NOS1: variants seen among roughly 807,000 people sequenced by gnomAD.
NOS1 encodes nitric oxide synthase 1, also known as NOS type I.
NOS1 carries 51 observed loss-of-function variants against 164.5 expected under a neutral mutation model. The ratio of observed to expected loss-of-function variants is 0.31; its 90% CI spans 0.25 to 0.39. The LOEUF is 0.39. Ranked by LOEUF, NOS1 falls within the 10% of genes least tolerant of loss-of-function variation. NOS1 has a pLI of 1.00. For missense variants in NOS1, 1,362 were observed against 1,885.6 expected (o/e 0.72, Z 5.14); for synonymous variants, 719 against 745.8 (o/e 0.96, Z 0.59).
chr12:117,216,471 C>T (rs573462607), intron 28 of NOS1, among the ~76,000 whole-genome samples: 2 of 151,906 alleles, frequency 1.3e-5, no homozygotes, highest in African/African-American at 2.4e-5. Context: ...GGTGAGCCAT[C>T]GCGCCCGGCC....
chr12:117,353,315 T>A (rs1405735076), intron 1 of NOS1, among the ~76,000 whole-genome samples: 1 of 152,176 alleles, frequency 6.6e-6, no homozygotes, highest in African/African-American at 2.4e-5. Flanking sequence ...ATCATCTATC[T>A]ACCTACCTAC....
chr12:117,275,584 A>G (rs906326580), intron 9 of NOS1, among the ~76,000 whole-genome samples: 2 of 152,196 alleles, frequency 1.3e-5, no homozygotes, highest in Admixed American at 6.5e-5. Flanking sequence ...ACTGTTCTAC[A>G]CCACTGTAGG....
At position 117,219,182 on chromosome 12, in the gene NOS1, T is replaced by C. The variant is rs1051268929; in HGVS notation, c.4170+893A>G. ...TTAGTAGAGACGGGGTTTCACCATG[T>C]TGGTTGGCCAGGATGGTCTCGATCT... On this transcript the variant is annotated intron_variant, in intron 27 of 28. Transcript: ENST00000317775. 5.9e-5 allele frequency among the ~76,000 whole-genome samples: 9 copies of C among 152,190 alleles called. No individual in the cohort carries two copies. The East Asian group carries it at 1.7e-3, about 29-fold the overall frequency.
intron 1 of NOS1, among the ~76,000 whole-genome samples, chr12:117,344,994 T>A (rs1245859142): frequency 6.6e-6 from 1 of 151,134 alleles, no homozygotes; most frequent in East Asian, 1.9e-4. Flanking sequence ...TATGATTAAT[T>A]CTTGCTTGCT....
chr12:117,308,495 G>C (rs569606054), intron 3 of NOS1, among the ~76,000 whole-genome samples: 1 of 151,860 alleles, frequency 6.6e-6, no homozygotes, highest in East Asian at 1.9e-4. Context: ...CCTGGATGGT[G>C]CCACTGTACC....
Position 117,222,714 on chromosome 12 carries a change from C to G in NOS1, c.3975+1G>C. On this transcript the variant is annotated splice_donor_variant, in intron 26 of 28. Coordinates refer to ENST00000317775, the MANE Select transcript of NOS1 (RefSeq NM_000620.5). LOFTEE classifies it high-confidence loss of function. Reference sequence around the variant, plus strand: ...CTAGGGGGTGGGCTGCTGGGGGTTACCTTTGGTTTGTCTGGCTCCCGGGAG... The same window carrying G: ...CTAGGGGGTGGGCTGCTGGGGGTTAGCTTTGGTTTGTCTGGCTCCCGGGAG... 1 of 1,613,528 alleles carries G rather than the reference C, an allele frequency of 6.2e-7. No individual in the cohort carries two copies. The highest frequency in any genetic ancestry group is 8.5e-7 in the Non-Finnish European group (1 of 1,179,794).
rs191826870 is a variant in NOS1 at position 117,334,459 on chromosome 12, C to T, written c.-420-2970G>A. Among the ~76,000 whole-genome samples the T allele has an allele frequency of 4.4e-4, 67 of 152,142 alleles. No homozygotes were observed. The East Asian group carries it at 6.6e-3, about 15-fold the overall frequency. On this transcript the variant is annotated intron_variant, in intron 1 of 28. Coordinates refer to ENST00000317775, the MANE Select transcript of NOS1 (RefSeq NM_000620.5). Reference sequence around the variant, plus strand: ...TCGCCCAGGCTGGAATGCAGTGGTGCGATCTCAGCTCACTGCAACCTCCAC... The same window carrying T: ...TCGCCCAGGCTGGAATGCAGTGGTGTGATCTCAGCTCACTGCAACCTCCAC...
At position 117,213,959 on chromosome 12, in the gene NOS1, T is replaced by G. The variant is rs1033980537; in HGVS notation, c.*1350A>C. On this transcript the variant is annotated 3_prime_UTR_variant, in exon 29 of 29. Coordinates refer to ENST00000317775, the MANE Select transcript of NOS1 (RefSeq NM_000620.5). ...CTACCGAAGACTTGGCTGCCCATTT[T>G]TGATCTGAGTTGAGGGTAACTTATT... 3.6e-5 allele frequency: 35 copies of G among 985,326 alleles called. No homozygotes were observed. The African/African-American group carries it at 5.6e-4, about 16-fold the overall frequency. The allele number at this position is 985,326 out of a possible 1,614,324, so 61.0% of individuals were successfully genotyped here.
intron 3 of NOS1, chr12:117,304,902 C>T (rs1187312436): frequency 1.7e-6 from 1 of 601,244 alleles, no homozygotes; most frequent in East Asian, 1.4e-4. Flanking sequence ...CTCACTATTT[C>T]CTCCAGGAAC....
intron 3 of NOS1, among the ~76,000 whole-genome samples, chr12:117,295,878 C>G (rs1280532646): frequency 6.6e-6 from 1 of 151,738 alleles, no homozygotes; most frequent in Non-Finnish European, 1.5e-5. Context: ...ATCTGCCCAC[C>G]TCAGCCTCCC....
At chr12:117,314,363 T>C (rs1033513989) in intron 2 of NOS1, among the ~76,000 whole-genome samples, 2 of 152,166 alleles carry the variant, frequency 1.3e-5, no homozygotes, top group Non-Finnish European at 2.9e-5. Context: ...TGATCCTATA[T>C]CACATGACCA....
intron 2 of NOS1, among the ~76,000 whole-genome samples, chr12:117,313,463 T>C (rs1289330230): frequency 6.6e-6 from 1 of 151,842 alleles, no homozygotes; most frequent in Non-Finnish European, 1.5e-5. Context: ...CCTGGCAATG[T>C]TTTAAGTTTT....
Position 117,359,576 on chromosome 12 carries a change from T to C in NOS1, c.-421+1936A>G, listed in dbSNP as rs576841156. 2.0e-5 allele frequency among the ~76,000 whole-genome samples: 3 copies of C among 152,154 alleles called. No homozygotes were observed. In the South Asian group the frequency reaches 6.2e-4, roughly 32 times the overall value. On this transcript the variant is annotated intron_variant, in intron 1 of 28. Transcript: ENST00000317775. The stretch of plus-strand genomic sequence containing the variant: ...CGCCAGAGGTGAGATGAGGCGCCTA[T>C]GGGCGCGCTCGCCTGCACCGCACCC...
At chr12:117,287,987 G>A (rs1053676472) in intron 5 of NOS1, 87 bp downstream of exon 5, 4 of 1,506,526 alleles carry the variant, frequency 2.7e-6, no homozygotes, top group Non-Finnish European at 3.7e-6. Flanking sequence ...TTGTGCCTTG[G>A]CCTTGGTTTG....
chr12:117,310,036 G>A (rs34929026), intron 3 of NOS1, among the ~76,000 whole-genome samples: 20,645 of 152,084 alleles, frequency 0.14, 1,613 homozygotes, highest in East Asian at 0.26. Flanking sequence ...TCTCCAGGGT[G>A]GCTGGGACAA....
intron 3 of NOS1, among the ~76,000 whole-genome samples, chr12:117,296,066 C>T (rs1395878687): frequency 6.6e-6 from 1 of 152,128 alleles, no homozygotes; most frequent in Non-Finnish European, 1.5e-5. Context: ...TGTATGTGCA[C>T]ACCTACATTT....
chr12:117,353,170 T>C (rs533088589), intron 1 of NOS1, among the ~76,000 whole-genome samples: 26 of 152,256 alleles, frequency 1.7e-4, no homozygotes, highest in Admixed American at 1.2e-3. Context: ...TGTCTATCCA[T>C]CTATCTACCT....
chr12:117,250,570 C>T (rs1028154007), intron 17 of NOS1, among the ~76,000 whole-genome samples: 2 of 152,140 alleles, frequency 1.3e-5, no homozygotes, highest in East Asian at 3.8e-4. Context: ...CTCAGGTGAT[C>T]CACACACCTT....
chr12:117,262,158 C>A (rs943915392), intron 13 of NOS1, among the ~76,000 whole-genome samples: 35 of 152,252 alleles, frequency 2.3e-4, no homozygotes, highest in African/African-American at 8.2e-4. Flanking sequence ...ATAAAAGGTA[C>A]CTGGAGGGTT....
Sources: gnomAD v4.1 joint callset for allele counts (sites outside exome capture counted in the v4.1 genomes callset) on GRCh38, gnomAD v4.1.1 for gene constraint, MANE v1.5 for transcripts, NCBI Gene and HGNC (gene_info 2026-07-23, HGNC 2026-07-21) for gene names.